The following FMNL2 variants were observed in gnomAD, a reference collection of about 807,000 sequenced individuals.
The protein encoded by FMNL2 is formin like 2, also known as formin-like protein 2.
A neutral mutation model predicts 130.2 loss-of-function variants in FMNL2; 51 were observed. The ratio of observed to expected loss-of-function variants is 0.39; its 90% CI spans 0.31 to 0.49. The LOEUF is 0.49. Among genes scored for constraint, FMNL2 ranks in the 20% least tolerant of loss-of-function variants. The pLI, the probability that FMNL2 is intolerant of heterozygous loss-of-function variation, is 0.85. For missense variants in FMNL2, 977 were observed against 1,316.2 expected (o/e 0.74, Z 3.99); for synonymous variants, 465 against 467.1 (o/e 1.00, Z 0.06).
intron 15 of FMNL2, among the ~76,000 whole-genome samples, chr2:152,624,142 T>A (rs1681600778): frequency 7.5e-6 from 1 of 132,604 alleles, no homozygotes; most frequent in Non-Finnish European, 1.6e-5. Context: ...AAAAGAGGAG[T>A]TTCCTCCCTT....
At chr2:152,638,241 G>A (rs952012052) in intron 23 of FMNL2, among the ~76,000 whole-genome samples, 11 of 152,198 alleles carry the variant, frequency 7.2e-5, no homozygotes, top group African/African-American at 2.7e-4. Flanking sequence ...ATCCAGGGCT[G>A]TGGTCTTGAA....
At chr2:152,550,509 A>G (rs1694875462) in intron 4 of FMNL2, among the ~76,000 whole-genome samples, 1 of 152,244 alleles carries the variant, frequency 6.6e-6, no homozygotes, top group Admixed American at 6.5e-5. Flanking sequence ...AGAGAAGGTG[A>G]GTGAATTGCA....
intron 1 of FMNL2, among the ~76,000 whole-genome samples, chr2:152,455,759 G>T (rs543304779): frequency 2.0e-5 from 3 of 152,058 alleles, no homozygotes; most frequent in African/African-American, 7.2e-5. Flanking sequence ...CTGTCACCCC[G>T]CCTAGAGTGT....
chr2:152,611,349 C>A (rs1042923751), intron 10 of FMNL2, 146 bp from the exon 11 acceptor site: 43 of 521,464 alleles, frequency 8.2e-5, no homozygotes, highest in South Asian at 5.2e-4. Flanking sequence ...CAAAAAAAAC[C>A]ATATATATAT....
At chr2:152,509,736 C>CATTTT in intron 1 of FMNL2, among the ~76,000 whole-genome samples, 1 of 22,134 alleles carries the variant, frequency 4.5e-5, no homozygotes, top group Non-Finnish European at 1.2e-4. Context: ...GTACTCTGGA[C>CATTTT]CTTTTTTTTT....
rs557264277 is a variant in FMNL2 at position 152,610,415 on chromosome 2, A to AC, written c.952-1073dup. ...TTACCACAATTTAGGACACAGCGTC[A>AC]CCCCCCCAGAAAAAAGTCCTGTACC... On this transcript the variant is annotated intron_variant, in intron 10 of 25. Transcript: ENST00000288670. 3.6e-3 allele frequency among the ~76,000 whole-genome samples: 542 copies of AC among 151,892 alleles called. 3 individuals carry two copies. The highest frequency in any genetic ancestry group is 6.2e-3 in the Non-Finnish European group (420 of 67,928).
At chr2:152,601,187 GCCAAGCCCCTGA>G (rs1698028650) in intron 9 of FMNL2, among the ~76,000 whole-genome samples, 1 of 151,972 alleles carries the variant, frequency 6.6e-6, no homozygotes, top group Admixed American at 6.6e-5. Context: ...CCCTTTCTCG[GCCAAGCCCCTGA>G]CTTGGAATTC....
At chr2:152,389,059 T>TA (rs1684950236) in intron 1 of FMNL2, among the ~76,000 whole-genome samples, 1 of 151,832 alleles carries the variant, frequency 6.6e-6, no homozygotes, top group Non-Finnish European at 1.5e-5. Context: ...TAAATGCTGT[T>TA]TTTCAATTTG....
intron 3 of FMNL2, among the ~76,000 whole-genome samples, chr2:152,547,831 T>C (rs758131266): frequency 7.2e-5 from 11 of 152,048 alleles, no homozygotes; most frequent in Non-Finnish European, 1.2e-4. Context: ...GACATAAAGG[T>C]GGTTCAGGTT....
At position 152,628,493 on chromosome 2, in the gene FMNL2, T is replaced by C. The variant is rs776971777; in HGVS notation, c.2360T>C (p.Phe787Ser). The C allele has an allele frequency of 1.2e-6, 2 of 1,613,890 alleles. No individual in the cohort carries two copies. The highest frequency in any genetic ancestry group is 1.7e-6 in the Non-Finnish European group (2 of 1,179,886). Reference protein sequence around the residue: ...RLMQKMTIMAFIGNFAESIQM... With the variant: ...RLMQKMTIMASIGNFAESIQM... Reference sequence around the variant, plus strand: ...ATGCAGAAGATGACCATCATGGCCTTCATTGGGAACTTTGCTGAAAGCATT... The same window carrying C: ...ATGCAGAAGATGACCATCATGGCCTCCATTGGGAACTTTGCTGAAAGCATT... The change falls in exon 18 of 26, where the codon TTC (phenylalanine) becomes TCC (serine). Residue 787 changes from phenylalanine (F) to serine (S), a missense_variant. Transcript: ENST00000288670.
intron 9 of FMNL2, among the ~76,000 whole-genome samples, chr2:152,600,984 A>G (rs781048989): frequency 1.4e-3 from 218 of 152,270 alleles, no homozygotes; most frequent in Non-Finnish European, 5.0e-4. Flanking sequence ...TGGCCATATC[A>G]TGTTCTATTG....
chr2:152,598,253 G>C (rs1001196668), intron 9 of FMNL2, among the ~76,000 whole-genome samples: 17 of 152,206 alleles, frequency 1.1e-4, no homozygotes, highest in African/African-American at 4.1e-4. Flanking sequence ...AATTGGATAT[G>C]CTCAAAGGAT....
intron 1 of FMNL2, among the ~76,000 whole-genome samples, chr2:152,409,875 G>A (rs1302504621): frequency 1.3e-5 from 2 of 152,156 alleles, no homozygotes; most frequent in South Asian, 2.1e-4. Flanking sequence ...TGCACCTGGT[G>A]GATGTAGTCA....
intron 1 of FMNL2, among the ~76,000 whole-genome samples, chr2:152,498,182 T>C (rs1051276759): frequency 6.6e-6 from 1 of 152,184 alleles, no homozygotes; most frequent in African/African-American, 2.4e-5. Flanking sequence ...TGATAATATA[T>C]GACATGTGCC....
chr2:152,366,777 G>T (rs1304086590), intron 1 of FMNL2, among the ~76,000 whole-genome samples: 7 of 152,086 alleles, frequency 4.6e-5, no homozygotes, highest in Non-Finnish European at 1.0e-4. Flanking sequence ...ACCAGCCTGG[G>T]CAACACGGTG....
intron 1 of FMNL2, among the ~76,000 whole-genome samples, chr2:152,436,484 C>G (rs1166075118): frequency 6.6e-6 from 1 of 152,192 alleles, no homozygotes; most frequent in African/African-American, 2.4e-5. Context: ...ATGGTATCTA[C>G]TATAACACAT....
chr2:152,356,489 T>A (rs1169741233), intron 1 of FMNL2, among the ~76,000 whole-genome samples: 2 of 152,210 alleles, frequency 1.3e-5, no homozygotes, highest in Non-Finnish European at 2.9e-5. Context: ...TTACAGTTGA[T>A]CCTCATTATA....
At chr2:152,588,856 GACTCTAT>G (rs1697229114) in intron 9 of FMNL2, among the ~76,000 whole-genome samples, 2 of 152,006 alleles carry the variant, frequency 1.3e-5, no homozygotes, top group Non-Finnish European at 2.9e-5. Flanking sequence ...TGTTTAGATT[GACTCTAT>G]TAATAAAGAA....
intron 1 of FMNL2, among the ~76,000 whole-genome samples, chr2:152,431,594 C>A (rs988303511): frequency 3.3e-5 from 5 of 152,020 alleles, no homozygotes; most frequent in Non-Finnish European, 5.9e-5. Context: ...TGTTAAAGTG[C>A]CCTAATTTGT....
Sources: gnomAD v4.1 joint callset for allele counts (sites outside exome capture counted in the v4.1 genomes callset) on GRCh38, gnomAD v4.1.1 for gene constraint, MANE v1.5 for transcripts, NCBI Gene and HGNC (gene_info 2026-07-23, HGNC 2026-07-21) for gene names.